Variants in FILIP1L observed in about 807,000 individuals in gnomAD.
FILIP1L encodes the protein filamin A-interacting protein 1-like.
A neutral mutation model predicts 96.6 loss-of-function variants in FILIP1L; 55 were observed. The observed-to-expected ratio is 0.57, with a 90% CI of 0.46 to 0.71. The LOEUF is 0.71. Ranked by LOEUF, FILIP1L falls within the 30% of genes least tolerant of loss-of-function variation. The probability of loss-of-function intolerance (pLI) is 0.00; values close to 1 mark genes in which losing one functional copy is unlikely to be tolerated. For missense variants in FILIP1L, 1,304 were observed against 1,321.2 expected, an observed-to-expected ratio of 0.99 and a Z score of 0.20; for synonymous variants, 467 against 473.9, an observed-to-expected ratio of 0.99 and a Z score of 0.19.
At chr3:99,956,711 C>G (rs1419537723) in intron 1 of FILIP1L, among the ~76,000 whole-genome samples, 2 of 152,230 alleles carry the variant, frequency 1.3e-5, no homozygotes, top group Admixed American at 6.5e-5. Flanking sequence ...ATACCCCCTT[C>G]CCTTCTGTAG....
intron 4 of FILIP1L, among the ~76,000 whole-genome samples, chr3:99,869,115 G>A (rs1431185138): frequency 6.6e-6 from 1 of 152,160 alleles, no homozygotes; most frequent in Non-Finnish European, 1.5e-5. Flanking sequence ...TAGAATGGAA[G>A]AAGGACAAGT....
Position 99,929,920 on chromosome 3 carries a change from C to G in FILIP1L, c.362G>C (p.Arg121Thr). 3 of 1,613,844 alleles carry G rather than the reference C, an allele frequency of 1.9e-6. No individual in the cohort carries two copies. Among genetic ancestry groups the G allele is most frequent in the Non-Finnish European group, 2.5e-6 (3 of 1,179,922 alleles). Residue 121 changes from arginine (R) to threonine (T), a missense_variant, in exon 3 of 6, where the codon AGA becomes ACA. By Grantham distance (71) the Arg-to-Thr change is moderately conservative. Coordinates refer to ENST00000477258, the MANE Select transcript of FILIP1L (RefSeq NM_001387850.1). ...GGTAGATTTCGCTTGAAAAGCATCTCTCTGGAGAGCCTCTAACACCTTTTT... is the reference window on the plus strand; with the variant it reads ...GGTAGATTTCGCTTGAAAAGCATCTGTCTGGAGAGCCTCTAACACCTTTTT... The part of the protein sequence containing the change: ...TPKKVLEALQ[R>T]DAFQAKSTPW...
rs1345240091 is a variant in FILIP1L at position 99,829,688 on chromosome 3, A to G, written c.*726T>C. On this transcript the variant is annotated 3_prime_UTR_variant, in exon 6 of 6. Coordinates refer to ENST00000477258, the MANE Select transcript of FILIP1L (RefSeq NM_001387850.1). ...TTCAGAGAAGAGATATGAATAAACA[A>G]TGTCCTGTGAGATGATAAATTCTGT... 1.3e-5 allele frequency among the ~76,000 whole-genome samples: 2 copies of G among 152,218 alleles called. No homozygotes were observed. Among genetic ancestry groups the G allele is most frequent in the Non-Finnish European group, 2.9e-5 (2 of 68,038 alleles).
intron 4 of FILIP1L, among the ~76,000 whole-genome samples, chr3:99,893,606 G>A (rs1043031201): frequency 6.6e-6 from 1 of 152,152 alleles, no homozygotes; most frequent in African/African-American, 2.4e-5. Flanking sequence ...TTACTATCAT[G>A]TAGGTATCTA....
At chr3:100,105,770 C>A (rs6788807) in intron 1 of FILIP1L, among the ~76,000 whole-genome samples, 1,858 of 152,306 alleles carry the variant, frequency 0.012, 24 homozygotes, top group African/African-American at 0.028. Flanking sequence ...GCCCATGCTT[C>A]TTACTGTTGT....
intron 1 of FILIP1L, among the ~76,000 whole-genome samples, chr3:99,983,389 AATATATATATAT>A (rs397990626): frequency 7.4e-5 from 3 of 40,788 alleles, no homozygotes; most frequent in African/African-American, 3.1e-4. Context: ...TAAATAAATA[AATATATATATAT>A]ATATATATAT....
intron 4 of FILIP1L, among the ~76,000 whole-genome samples, chr3:99,912,374 T>G (rs368709375): frequency 2.6e-4 from 40 of 152,248 alleles, no homozygotes; most frequent in East Asian, 1.5e-3. Flanking sequence ...GGCTGCTGCT[T>G]CTTTTTTCTG....
intron 1 of FILIP1L, among the ~76,000 whole-genome samples, chr3:100,099,353 T>C (rs188513885): frequency 5.9e-5 from 9 of 152,322 alleles, no homozygotes; most frequent in Admixed American, 5.9e-4. Context: ...ATCAGAATTA[T>C]GCATATGTGC....
At chr3:99,941,593 A>G (rs946489398) in intron 1 of FILIP1L, among the ~76,000 whole-genome samples, 1 of 152,226 alleles carries the variant, frequency 6.6e-6, no homozygotes, top group African/African-American at 2.4e-5. Flanking sequence ...TATGCATCAC[A>G]GGGCTGTTTA....
At chr3:100,033,962 A>C (rs1194037321) in intron 1 of FILIP1L, among the ~76,000 whole-genome samples, 4 of 152,224 alleles carry the variant, frequency 2.6e-5, no homozygotes, top group African/African-American at 9.6e-5. Context: ...ATATTATTTA[A>C]TCCAGATTTC....
At chr3:99,941,154 C>G (rs1707838664) in intron 1 of FILIP1L, among the ~76,000 whole-genome samples, 4 of 152,058 alleles carry the variant, frequency 2.6e-5, no homozygotes, top group African/African-American at 9.7e-5. Context: ...TCTGTTTTTG[C>G]CAAATAATAC....
chr3:100,058,459 T>C (rs967025954), intron 1 of FILIP1L, among the ~76,000 whole-genome samples: 1 of 152,246 alleles, frequency 6.6e-6, no homozygotes, highest in Non-Finnish European at 1.5e-5. Context: ...AAGTCTGTTC[T>C]TGGGTGCTTC....
intron 1 of FILIP1L, among the ~76,000 whole-genome samples, chr3:100,099,918 T>C (rs2066275800): frequency 6.6e-6 from 1 of 152,136 alleles, no homozygotes; most frequent in Admixed American, 6.6e-5. Flanking sequence ...AGTTGAAGAA[T>C]TCTGAAGCCA....
chr3:100,104,834 C>T (rs1235508665), intron 1 of FILIP1L, among the ~76,000 whole-genome samples: 2 of 152,178 alleles, frequency 1.3e-5, no homozygotes, highest in African/African-American at 4.8e-5. Flanking sequence ...GGCTGAGAAT[C>T]ACCATTTACA....
chr3:99,862,301 G>A (rs13077700), intron 4 of FILIP1L, among the ~76,000 whole-genome samples: 497 of 152,236 alleles, frequency 3.3e-3, no homozygotes, highest in East Asian at 5.2e-3. Flanking sequence ...GTGAGACAAC[G>A]TCAGTCACAA....
intron 4 of FILIP1L, among the ~76,000 whole-genome samples, chr3:99,860,985 A>T (rs1406891801): frequency 1.3e-5 from 2 of 152,184 alleles, no homozygotes; most frequent in Non-Finnish European, 2.9e-5. Context: ...TCTATCAAGA[A>T]GGAGCTTTTA....
intron 4 of FILIP1L, chr3:99,898,202 G>A (rs190700271): frequency 6.6e-6 from 1 of 152,076 alleles, no homozygotes. Flanking sequence ...ATTTTTGAAG[G>A]TTATTTGGAA....
chr3:99,880,878 G>A (rs759351012), intron 4 of FILIP1L, among the ~76,000 whole-genome samples: 5 of 152,064 alleles, frequency 3.3e-5, no homozygotes, highest in Non-Finnish European at 7.4e-5. Context: ...GACCCTGTAT[G>A]TGTATGTATA....
At chr3:99,941,727 G>C (rs901722602) in intron 1 of FILIP1L, among the ~76,000 whole-genome samples, 1 of 152,162 alleles carries the variant, frequency 6.6e-6, no homozygotes, top group Non-Finnish European at 1.5e-5. Context: ...AGTTTTCAAG[G>C]AGTATTTAAT....
Sources: allele counts gnomAD v4.1 joint callset (sites outside exome capture counted in the v4.1 genomes callset), GRCh38; gene constraint gnomAD v4.1.1; transcripts MANE v1.5; gene names NCBI Gene and HGNC (gene_info 2026-07-23, HGNC 2026-07-21).